Variants in MINAR2 observed in about 807,000 individuals in gnomAD.
The protein encoded by MINAR2 is major intrinsically disordered NOTCH2-binding receptor 1-like.
A neutral mutation model predicts 16.1 loss-of-function variants in MINAR2; 21 were observed. The observed-to-expected ratio is 1.31, with a 90% CI of 0.93 to 1.88. The LOEUF is 1.88. Ranked by LOEUF, MINAR2 falls within the 40% of genes most tolerant of loss-of-function variation. The probability of loss-of-function intolerance (pLI) is 0.00; values close to 1 mark genes in which losing one functional copy is unlikely to be tolerated. For synonymous variants in MINAR2, 86 were observed against 83.0 expected (o/e 1.04, Z -0.20); for missense variants, 259 against 229.8 (o/e 1.13, Z -0.82).
Position 129,760,471 on chromosome 5 carries a change from G to C in MINAR2, c.259G>C (p.Val87Leu). 3.3e-6 allele frequency: 5 copies of C among 1,535,798 alleles called. No individual in the cohort carries two copies. The highest frequency in any genetic ancestry group is 4.4e-6 in the Non-Finnish European group (5 of 1,146,586). ...ADSPPPSMSS[V>L]MKNNPLYGDL... is the part of the protein sequence containing the mutation. ...TAGCCCCCCACCATCCATGTCATCA[G>C]TTATGAAGAATAACCCACTCTATGG... Residue 87 changes from valine (V) to leucine (L), a missense_variant, in exon 2 of 3, where the codon GTT (valine) becomes CTT (leucine). Physicochemically the swap from Val to Leu is conservative, Grantham distance 32 (BLOSUM62 1). Transcript: ENST00000564719.
chr5:129,760,307 T>A, intron 1 of MINAR2, 71 bp from the exon 2 acceptor site: 1 of 1,101,358 alleles, frequency 9.1e-7, no homozygotes. Context: ...TATCAGGTAG[T>A]TATCTCACAT....
chr5:129,763,272 C>T (rs1422467), intron 2 of MINAR2, among the ~76,000 whole-genome samples: 17,264 of 152,126 alleles, frequency 0.11, 1,072 homozygotes, highest in South Asian at 0.17. Context: ...AGAGAAGCTT[C>T]TGGAAACCAT....
In MINAR2 at chr5:129,765,490, G is replaced by A. The variant is rs1373472362; in HGVS notation, c.*427G>A. The A allele has an allele frequency of 6.5e-6, 1 of 153,616 alleles. No homozygotes were observed. Among genetic ancestry groups the A allele is most frequent in the East Asian group, 1.9e-4 (1 of 5,236 alleles). 9.5% of individuals were successfully genotyped at this position (153,616 alleles called of 1,614,324 possible). On this transcript the variant is annotated 3_prime_UTR_variant, in exon 3 of 3. Coordinates refer to ENST00000564719, the MANE Select transcript of MINAR2 (RefSeq NM_001257308.2). ...TCCTGTGATCACCAGAAAAGTTTGA[G>A]CTGATAATTTTTTTTTTAACCAACT... is the stretch of plus-strand genomic sequence containing the variant.
chr5:129,760,673 G>A (rs1758123723), intron 2 of MINAR2, 68 bp downstream of exon 2: 3 of 1,250,454 alleles, frequency 2.4e-6, no homozygotes, highest in Non-Finnish European at 3.3e-6. Context: ...CTAAAAGAAA[G>A]CAATATTGAA....
chr5:129,755,269 A>G (rs1254052627), intron 1 of MINAR2, among the ~76,000 whole-genome samples: 1 of 152,228 alleles, frequency 6.6e-6, no homozygotes, highest in East Asian at 1.9e-4. Flanking sequence ...ATAATTTTAC[A>G]TTTATGTGTA....
intron 1 of MINAR2, among the ~76,000 whole-genome samples, chr5:129,749,662 A>C (rs1400163289): frequency 6.6e-6 from 1 of 152,206 alleles, no homozygotes; most frequent in Non-Finnish European, 1.5e-5. Context: ...TTCAAAAATC[A>C]GTTCAGAAAA....
At chr5:129,762,072 TA>T (rs1758143520) in intron 2 of MINAR2, among the ~76,000 whole-genome samples, 1 of 151,872 alleles carries the variant, frequency 6.6e-6, no homozygotes, top group Non-Finnish European at 1.5e-5. Context: ...ATGCGGGACT[TA>T]AAACCTAGAT....
chr5:129,751,954 C>G (rs1175986433), intron 1 of MINAR2, among the ~76,000 whole-genome samples: 1 of 151,976 alleles, frequency 6.6e-6, no homozygotes, highest in Non-Finnish European at 1.5e-5. Context: ...ATTTATGCAG[C>G]CAACAAACGT....
intron 2 of MINAR2, among the ~76,000 whole-genome samples, chr5:129,761,614 C>G (rs1385779053): frequency 6.6e-6 from 1 of 152,110 alleles, no homozygotes; most frequent in East Asian, 1.9e-4. Flanking sequence ...ATAACAGATG[C>G]TCTCCACAGA....
chr5:129,749,794 G>A (rs887110511), intron 1 of MINAR2, among the ~76,000 whole-genome samples: 2 of 152,124 alleles, frequency 1.3e-5, no homozygotes, highest in Non-Finnish European at 2.9e-5. Context: ...TTTCCTTCAT[G>A]TGGAACTTCA....
At chr5:129,752,383 T>C (rs1020681585) in intron 1 of MINAR2, among the ~76,000 whole-genome samples, 1 of 152,172 alleles carries the variant, frequency 6.6e-6, no homozygotes, top group African/African-American at 2.4e-5. Context: ...CATGGAATAC[T>C]ATGCAGCCAT....
chr5:129,754,846 T>G (rs1365372624), intron 1 of MINAR2, among the ~76,000 whole-genome samples: 1 of 152,182 alleles, frequency 6.6e-6, no homozygotes, highest in Non-Finnish European at 1.5e-5. Context: ...TTACTTATGT[T>G]TCTATTCTTT....
At position 129,760,383 on chromosome 5, in the gene MINAR2, AAAG is replaced by A; in HGVS notation, c.177_179del (p.Lys59del). On this transcript the variant is annotated inframe_deletion, in exon 2 of 3. Transcript: ENST00000564719. ...CTTGTTTCTTTGCCTCTTAGAGGGA[AAAG>A]AAGAATATTGCTGCTCAACGAATTA... 1 of 1,535,374 alleles carries A rather than the reference AAAG, an allele frequency of 6.5e-7. No homozygotes were observed. The highest frequency in any genetic ancestry group is 1.2e-5 in the South Asian group (1 of 84,030).
chr5:129,748,684 A>G (rs1355504048), intron 1 of MINAR2, among the ~76,000 whole-genome samples: 1 of 152,228 alleles, frequency 6.6e-6, no homozygotes, highest in East Asian at 1.9e-4. Context: ...ACTTTGGGGG[A>G]AAAACTCCCG....
chr5:129,762,195 C>T (rs1758145528), intron 2 of MINAR2, among the ~76,000 whole-genome samples: 3 of 152,004 alleles, frequency 2.0e-5, no homozygotes, highest in Admixed American at 2.0e-4. Context: ...AATCTGTACC[C>T]CAAATTCTCA....
Position 129,766,105 on chromosome 5 carries a change from T to C in MINAR2, c.*1042T>C, listed in dbSNP as rs1758209086. On this transcript the variant is annotated 3_prime_UTR_variant, in exon 3 of 3. Coordinates refer to ENST00000564719, the MANE Select transcript of MINAR2 (RefSeq NM_001257308.2). ...CTGCAGATACCTGGGGACATGGTTG[T>C]AGACACAGATGGGGAATCAAGTCAC... The C allele has an allele frequency of 6.6e-6, 1 of 152,250 alleles. No individual in the cohort carries two copies. The highest frequency in any genetic ancestry group is 1.5e-5 in the Non-Finnish European group (1 of 68,050). 9.4% of individuals were successfully genotyped at this position (152,250 alleles called of 1,614,324 possible).
chr5:129,763,870 G>A (rs1332302605), intron 2 of MINAR2, among the ~76,000 whole-genome samples: 2 of 152,136 alleles, frequency 1.3e-5, no homozygotes, highest in Non-Finnish European at 2.9e-5. Context: ...AAAACTTGCT[G>A]TGCCACATTT....
chr5:129,761,878 A>G (rs1241912282), intron 2 of MINAR2, among the ~76,000 whole-genome samples: 1 of 152,106 alleles, frequency 6.6e-6, no homozygotes, highest in East Asian at 1.9e-4. Flanking sequence ...ACAGACAATA[A>G]CTATAGAACA....
At position 129,765,404 on chromosome 5, in the gene MINAR2, T is replaced by A. The variant is rs921636075; in HGVS notation, c.*341T>A. 1 of 190,508 alleles carries A rather than the reference T, an allele frequency of 5.2e-6. No individual in the cohort carries two copies. The highest frequency in any genetic ancestry group is 2.3e-5 in the African/African-American group (1 of 43,198). 11.8% of individuals were successfully genotyped at this position (190,508 alleles called of 1,614,324 possible). Reference sequence around the variant, plus strand: ...TCAAAAATTGTCAGCAGCTTTGTTTTCATGCTTAAACTATATTAACCTTGT... The same window carrying A: ...TCAAAAATTGTCAGCAGCTTTGTTTACATGCTTAAACTATATTAACCTTGT... On this transcript the variant is annotated 3_prime_UTR_variant, in exon 3 of 3. Transcript: ENST00000564719.
Sources: allele counts gnomAD v4.1 joint callset (sites outside exome capture counted in the v4.1 genomes callset), GRCh38; gene constraint gnomAD v4.1.1; transcripts MANE v1.5; gene names NCBI Gene and HGNC (gene_info 2026-07-23, HGNC 2026-07-21).